Variants in MPHOSPH8 observed in about 807,000 individuals in gnomAD.
MPHOSPH8 encodes the protein M-phase phosphoprotein 8, also known as M-phase phosphoprotein, mpp.
In MPHOSPH8, 45 loss-of-function variants were observed where a neutral mutation model predicts 87.3. That is an observed-to-expected ratio of 0.52 (90% CI 0.41 to 0.66). The LOEUF is 0.66. MPHOSPH8 is among the 30% of genes least tolerant of loss of function. The pLI is 0.00. For missense variants in MPHOSPH8, 883 were observed against 1,020.2 expected, an observed-to-expected ratio of 0.87 and a Z score of 1.83; for synonymous variants, 366 against 376.9, an observed-to-expected ratio of 0.97 and a Z score of 0.33.
At chr13:19,655,891 C>T (rs979367794) in intron 5 of MPHOSPH8, among the ~76,000 whole-genome samples, 1 of 152,066 alleles carries the variant, frequency 6.6e-6, no homozygotes, top group Non-Finnish European at 1.5e-5. Context: ...CCAAGCAGAT[C>T]GCTTGAGCTC....
chr13:19,666,181 A>T (rs187846566), intron 9 of MPHOSPH8, among the ~76,000 whole-genome samples: 5 of 152,344 alleles, frequency 3.3e-5, no homozygotes, highest in African/African-American at 1.2e-4. Context: ...GTGCTAAGAT[A>T]TTAACTGAAT....
intron 10 of MPHOSPH8, among the ~76,000 whole-genome samples, chr13:19,668,093 A>G (rs1875914929): frequency 6.6e-6 from 1 of 152,244 alleles, no homozygotes; most frequent in Admixed American, 6.5e-5. Flanking sequence ...ACAACTATGT[A>G]TTAAGCATAG....
At chr13:19,651,573 A>T (rs1874853654) in intron 5 of MPHOSPH8, among the ~76,000 whole-genome samples, 1 of 151,330 alleles carries the variant, frequency 6.6e-6, no homozygotes, top group African/African-American at 2.4e-5. Flanking sequence ...GCATGTGCCT[A>T]TAGTCACAGC....
intron 5 of MPHOSPH8, among the ~76,000 whole-genome samples, chr13:19,653,550 C>G (rs995834197): frequency 6.6e-6 from 1 of 152,046 alleles, no homozygotes; most frequent in South Asian, 2.1e-4. Context: ...CAAAACTGGG[C>G]GGAGAATGAG....
chr13:19,640,095 T>TAA (rs34181844), intron 1 of MPHOSPH8, among the ~76,000 whole-genome samples: 7 of 146,676 alleles, frequency 4.8e-5, no homozygotes, highest in Middle Eastern at 3.4e-3. Flanking sequence ...GACCCTGTCT[T>TAA]AAAAAAAAAA....
At chr13:19,655,499 A>C (rs1393448865) in intron 5 of MPHOSPH8, among the ~76,000 whole-genome samples, 1 of 151,876 alleles carries the variant, frequency 6.6e-6, no homozygotes, top group Non-Finnish European at 1.5e-5. Flanking sequence ...ACCACCACCA[A>C]AAAACCCTTT....
chr13:19,650,307 A>G, intron 5 of MPHOSPH8, 47 bp downstream of exon 5: 3 of 1,577,204 alleles, frequency 1.9e-6, no homozygotes, highest in Non-Finnish European at 2.6e-6. Flanking sequence ...AGTGCACCAT[A>G]TTATTTTACT....
intron 5 of MPHOSPH8, among the ~76,000 whole-genome samples, chr13:19,658,414 C>T (rs934521679): frequency 6.6e-6 from 1 of 152,162 alleles, no homozygotes; most frequent in Non-Finnish European, 1.5e-5. Context: ...TGAACACATG[C>T]GTCCTCAGTG....
chr13:19,645,084 A>G (rs1874496602), intron 2 of MPHOSPH8, among the ~76,000 whole-genome samples: 1 of 151,898 alleles, frequency 6.6e-6, no homozygotes, highest in African/African-American at 2.4e-5. Context: ...TCCTGAGGAG[A>G]GCTTCACTGG....
rs1310686224 is a variant in MPHOSPH8 at position 19,647,080 on chromosome 13, G to A, written c.1007G>A (p.Arg336Lys). ...VRGRRKKKTP[R>K]KAEDTRENRK... ...GGCAGGAGGAAAAAGAAGACCCCGA[G>A]AAAGGCTGAGGACACTAGAGAGAAC... The change falls in exon 3 of 14, where the codon AGA (arginine) becomes AAA (lysine). Residue 336 changes from arginine (R) to lysine (K), a missense_variant. Arg to Lys is a conservative substitution (Grantham distance 26). Coordinates refer to ENST00000361479, the MANE Select transcript of MPHOSPH8 (RefSeq NM_017520.4). 2 of 1,607,990 alleles carry A rather than the reference G, an allele frequency of 1.2e-6. No homozygotes were observed. Among genetic ancestry groups the A allele is most frequent in the Non-Finnish European group, 1.7e-6 (2 of 1,178,616 alleles).
intron 11 of MPHOSPH8, among the ~76,000 whole-genome samples, chr13:19,669,038 C>A (rs958186881): frequency 6.6e-6 from 1 of 152,088 alleles, no homozygotes; most frequent in African/African-American, 2.4e-5. Context: ...GGGAGGAAGC[C>A]GGGCTCTGGC....
chr13:19,670,183 C>G lies in MPHOSPH8; in HGVS notation c.2330-53C>G, dbSNP rs1427222167. 5 of 1,608,008 alleles carry G rather than the reference C, an allele frequency of 3.1e-6. No individual in the cohort carries two copies. The Admixed American group carries it at 5.0e-5, about 16-fold the overall frequency. Reference sequence around the variant, plus strand: ...CTTCCATCTGGTGTTGAGTGTTCCTCTGGGGACTGAAGGTTGCCTTTGAAG... The same window carrying G: ...CTTCCATCTGGTGTTGAGTGTTCCTGTGGGGACTGAAGGTTGCCTTTGAAG... On this transcript the variant is annotated intron_variant, in intron 11 of 13. Coordinates refer to ENST00000361479, the MANE Select transcript of MPHOSPH8 (RefSeq NM_017520.4).
chr13:19,668,537 C>A lies in MPHOSPH8; in HGVS notation c.2329+6C>A, dbSNP rs1203959667. Reference sequence around the variant, plus strand: ...CCCACAGAACATACCAGAAGGTAAGCCGATGCCTCCCTTCACACTTTTCTA... The same window carrying A: ...CCCACAGAACATACCAGAAGGTAAGACGATGCCTCCCTTCACACTTTTCTA... On this transcript the variant is annotated splice_donor_region_variant and intron_variant, in intron 11 of 13. Transcript: ENST00000361479. 1 of 1,610,642 alleles carries A rather than the reference C, an allele frequency of 6.2e-7. No homozygotes were observed. The highest frequency in any genetic ancestry group is 1.1e-5 in the South Asian group (1 of 90,286).
At chr13:19,655,866 C>T (rs1875132273) in intron 5 of MPHOSPH8, among the ~76,000 whole-genome samples, 1 of 152,130 alleles carries the variant, frequency 6.6e-6, no homozygotes, top group South Asian at 2.1e-4. Flanking sequence ...CCTATAATCC[C>T]AGTGCTTTGA....
Position 19,650,134 on chromosome 13 carries a change from A to G in MPHOSPH8, c.1450A>G (p.Lys484Glu), listed in dbSNP as rs142493332. Residue 484 changes from lysine (K) to glutamate (E), a missense_variant, in exon 5 of 14, where the codon AAG (lysine) becomes GAG (glutamate). Physicochemically the swap from Lys to Glu is moderately conservative, Grantham distance 56. Coordinates refer to ENST00000361479, the MANE Select transcript of MPHOSPH8 (RefSeq NM_017520.4). ...DFKTIDDHKT[K>E]ENKQSLKERR... ...TAAAACCATAGACGATCACAAAACC[A>G]AGGAAAACAAACAGTCACTTAAAGA... 1.5e-5 allele frequency: 25 copies of G among 1,614,200 alleles called. No homozygotes were observed. The Admixed American group carries it at 2.5e-4, about 16-fold the overall frequency.
chr13:19,638,354 C>G (rs573449452), intron 1 of MPHOSPH8, among the ~76,000 whole-genome samples: 1 of 152,150 alleles, frequency 6.6e-6, no homozygotes, highest in South Asian at 2.1e-4. Flanking sequence ...GTGGCTCACA[C>G]CTGTAATCCC....
At chr13:19,662,965 A>G (rs1446375419) in intron 8 of MPHOSPH8, 75 bp from the exon 9 acceptor site, 1 of 1,324,180 alleles carries the variant, frequency 7.6e-7, no homozygotes, top group African/African-American at 1.5e-5. Flanking sequence ...CCTGATGACT[A>G]AAAATTTCAA....
chr13:19,639,472 G>A (rs546887136), intron 1 of MPHOSPH8, among the ~76,000 whole-genome samples: 4 of 151,930 alleles, frequency 2.6e-5, no homozygotes, highest in African/African-American at 9.6e-5. Flanking sequence ...CACCACACCC[G>A]GCTAATTTTT....
At chr13:19,656,248 C>G (rs1875158579) in intron 5 of MPHOSPH8, among the ~76,000 whole-genome samples, 1 of 134,224 alleles carries the variant, frequency 7.5e-6, no homozygotes, top group African/African-American at 2.8e-5. Flanking sequence ...CACTGCACTT[C>G]AGCCTGGACG....
Sources: gnomAD v4.1 joint callset for allele counts (sites outside exome capture counted in the v4.1 genomes callset) on GRCh38, gnomAD v4.1.1 for gene constraint, MANE v1.5 for transcripts, NCBI Gene and HGNC (gene_info 2026-07-23, HGNC 2026-07-21) for gene names.